Variants in NPAS3 observed in about 807,000 individuals in gnomAD.
The protein encoded by NPAS3 is neuronal PAS domain-containing protein 3.
NPAS3 carries 14 observed loss-of-function variants against 73.1 expected under a neutral mutation model. The ratio of observed to expected loss-of-function variants is 0.19; its 90% CI spans 0.13 to 0.30. The LOEUF (loss-of-function observed/expected upper bound fraction) is 0.30. Among genes scored for constraint, NPAS3 ranks in the 10% least tolerant of loss-of-function variants. The probability of loss-of-function intolerance (pLI) is 1.00; values close to 1 mark genes in which losing one functional copy is unlikely to be tolerated. For missense variants in NPAS3, 1,096 were observed against 1,250.0 expected (o/e 0.88, Z 1.86); for synonymous variants, 620 against 541.5 (o/e 1.14, Z -2.01).
At chr14:33,234,892 T>A (rs1461178321) in intron 3 of NPAS3, among the ~76,000 whole-genome samples, 3 of 152,110 alleles carry the variant, frequency 2.0e-5, no homozygotes, top group African/African-American at 7.2e-5. Flanking sequence ...AATAAGAGAT[T>A]TTGCTCATGA....
intron 3 of NPAS3, among the ~76,000 whole-genome samples, chr14:33,226,314 A>G (rs1241030588): frequency 6.6e-6 from 1 of 152,204 alleles, no homozygotes; most frequent in Non-Finnish European, 1.5e-5. Context: ...GTTTAGGTTA[A>G]TTAATAGTTT....
intron 3 of NPAS3, among the ~76,000 whole-genome samples, chr14:33,268,609 G>A (rs1030785876): frequency 5.3e-5 from 8 of 152,116 alleles, no homozygotes; most frequent in Non-Finnish European, 1.2e-4. Flanking sequence ...ACTCCATGAG[G>A]AACTTATCAG....
intron 2 of NPAS3, among the ~76,000 whole-genome samples, chr14:33,102,840 T>C (rs2042615985): frequency 6.6e-6 from 1 of 152,196 alleles, no homozygotes. Flanking sequence ...CTTAATTATT[T>C]AGAAGTTTCT....
chr14:33,335,858 A>G (rs1281863349), intron 3 of NPAS3, among the ~76,000 whole-genome samples: 1 of 151,992 alleles, frequency 6.6e-6, no homozygotes, highest in Non-Finnish European at 1.5e-5. Context: ...GGACATTTGG[A>G]TTGTTTCTGT....
rs1315244698 is a variant in NPAS3 at position 33,650,059 on chromosome 14, G to A, written c.559-26152G>A. On this transcript the variant is annotated intron_variant, in intron 5 of 11. Coordinates refer to ENST00000356141, the Ensembl canonical transcript of NPAS3. ...CCCCGTCCCAGGACAGTCTGATTTA[G>A]TGCCTTAAATGGGACCAGGAGGATG... Among the ~76,000 whole-genome samples, 4 of 152,216 alleles carry A rather than the reference G, an allele frequency of 2.6e-5. No homozygotes were observed. The South Asian group carries it at 8.3e-4, about 32-fold the overall frequency.
At chr14:33,622,196 A>G (rs2058094779) in intron 5 of NPAS3, among the ~76,000 whole-genome samples, 2 of 152,168 alleles carry the variant, frequency 1.3e-5, no homozygotes, top group East Asian at 1.9e-4. Context: ...AGAAATAAAC[A>G]TTAGTTAGAT....
At chr14:33,207,259 AC>A (rs2046861811) in intron 2 of NPAS3, among the ~76,000 whole-genome samples, 1 of 28,074 alleles carries the variant, frequency 3.6e-5, no homozygotes, top group Non-Finnish European at 6.9e-5. Flanking sequence ...ACACACACAC[AC>A]ACACACGCAC....
chr14:33,142,655 C>T (rs532410148), intron 2 of NPAS3, among the ~76,000 whole-genome samples: 13 of 152,244 alleles, frequency 8.5e-5, no homozygotes, highest in African/African-American at 3.1e-4. Context: ...CTTTTGTTAA[C>T]TTAAGGAATA....
Position 33,125,834 on chromosome 14 carries a change from G to A in NPAS3, c.140+69840G>A, listed in dbSNP as rs140861938. On this transcript the variant is annotated intron_variant, in intron 2 of 11. Coordinates refer to ENST00000356141, the Ensembl canonical transcript of NPAS3. ...CAAACTTATTACTTACTTAAAAATA[G>A]TAATGTTTTAGATAGACTAGTTACT... Among the ~76,000 whole-genome samples the A allele has an allele frequency of 3.7e-3, 566 of 152,300 alleles. 2 individuals are homozygous for A. The highest frequency in any genetic ancestry group is 4.6e-3 in the Non-Finnish European group (315 of 68,018).
chr14:32,950,514 AT>A lies in NPAS3; in HGVS notation c.50+11151del, dbSNP rs576870784. 2.4e-3 allele frequency among the ~76,000 whole-genome samples: 367 copies of A among 152,246 alleles called. 1 individual carries two copies. Among genetic ancestry groups the A allele is most frequent in the African/African-American group, 8.6e-3 (356 of 41,580 alleles). On this transcript the variant is annotated intron_variant, in intron 1 of 11. Coordinates refer to ENST00000356141, the Ensembl canonical transcript of NPAS3. ...TGTTAGGATGAGAAAGATCAGGATC[AT>A]TTAAAAAATAAAACATAGGGAAGCT...
chr14:33,313,476 T>A (rs1473221801), intron 3 of NPAS3, among the ~76,000 whole-genome samples: 1 of 152,078 alleles, frequency 6.6e-6, no homozygotes, highest in Non-Finnish European at 1.5e-5. Flanking sequence ...AATTTGTAAA[T>A]GAAATGTCTA....
intron 2 of NPAS3, among the ~76,000 whole-genome samples, chr14:33,123,191 A>G (rs1303466984): frequency 2.6e-5 from 4 of 152,094 alleles, no homozygotes; most frequent in Admixed American, 2.6e-4. Context: ...GGTCCATGAT[A>G]ATGTGCTTCA....
intron 4 of NPAS3, among the ~76,000 whole-genome samples, chr14:33,559,060 A>G (rs2055505830): frequency 6.6e-6 from 1 of 152,176 alleles, no homozygotes; most frequent in Admixed American, 6.5e-5. Context: ...GATGATTTAC[A>G]CCATTCATCA....
chr14:33,747,836 T>C (rs1017029840), intron 7 of NPAS3, among the ~76,000 whole-genome samples: 1 of 152,228 alleles, frequency 6.6e-6, no homozygotes, highest in Non-Finnish European at 1.5e-5. Context: ...TGTCCTGAGA[T>C]ATTCCCATGG....
At chr14:33,489,575 A>G (rs2051789597) in intron 4 of NPAS3, among the ~76,000 whole-genome samples, 1 of 151,374 alleles carries the variant, frequency 6.6e-6, no homozygotes, top group South Asian at 2.1e-4. Flanking sequence ...GTAAACTTGT[A>G]TTGTAATATT....
At chr14:33,522,985 C>G (rs2053623659) in intron 4 of NPAS3, among the ~76,000 whole-genome samples, 1 of 152,070 alleles carries the variant, frequency 6.6e-6, no homozygotes, top group African/African-American at 2.4e-5. Context: ...CTTTGTCACT[C>G]TCAGAATATC....
intron 3 of NPAS3, among the ~76,000 whole-genome samples, chr14:33,246,332 G>A (rs1356315778): frequency 1.3e-5 from 2 of 151,990 alleles, no homozygotes; most frequent in Non-Finnish European, 2.9e-5. Context: ...GAGGTCAGGA[G>A]ATCCAGACCA....
intron 6 of NPAS3, among the ~76,000 whole-genome samples, chr14:33,689,260 A>G (rs964867209): frequency 2.0e-5 from 3 of 152,226 alleles, no homozygotes; most frequent in Non-Finnish European, 4.4e-5. Context: ...ATAATGTAGG[A>G]ATGATCACCT....
At chr14:33,384,247 GAAAT>G (rs1298884586) in intron 4 of NPAS3, among the ~76,000 whole-genome samples, 11 of 152,002 alleles carry the variant, frequency 7.2e-5, no homozygotes, top group Admixed American at 5.2e-4. Context: ...GGATATAAAA[GAAAT>G]AAAACCCTGA....
Sources: allele counts gnomAD v4.1 joint callset (sites outside exome capture counted in the v4.1 genomes callset), GRCh38; gene constraint gnomAD v4.1.1; transcripts MANE v1.5; gene names NCBI Gene and HGNC (gene_info 2026-07-23, HGNC 2026-07-21).